GRK3: variants seen among roughly 807,000 people sequenced by gnomAD.
GRK3 encodes the protein adrenergic, beta, receptor kinase 2.
GRK3 carries 54 observed loss-of-function variants against 95.7 expected under a neutral mutation model. The observed-to-expected ratio is 0.56, with a 90% CI of 0.45 to 0.71. The LOEUF (loss-of-function observed/expected upper bound fraction) is 0.71, where lower values mean the gene tolerates loss of function less well. Among genes scored for constraint, GRK3 ranks in the 30% least tolerant of loss-of-function variants. The pLI is 0.00. For synonymous variants in GRK3, 281 were observed against 290.8 expected (o/e 0.97, Z 0.34); for missense variants, 649 against 851.2 (o/e 0.76, Z 2.96).
intron 1 of GRK3, among the ~76,000 whole-genome samples, chr22:25,594,660 C>T (rs1427036169): frequency 2.0e-5 from 3 of 152,034 alleles, no homozygotes; most frequent in Admixed American, 6.5e-5. Flanking sequence ...AGGTGGATCA[C>T]GAGGTCAGGA....
chr22:25,610,462 G>A (rs931385922), intron 2 of GRK3, among the ~76,000 whole-genome samples: 1 of 152,146 alleles, frequency 6.6e-6, no homozygotes, highest in African/African-American at 2.4e-5. Flanking sequence ...ACGAGACTCT[G>A]TCTCAAAAAA....
At chr22:25,706,680 A>G (rs2085302521) in intron 15 of GRK3, among the ~76,000 whole-genome samples, 1 of 152,036 alleles carries the variant, frequency 6.6e-6, no homozygotes, top group Non-Finnish European at 1.5e-5. Flanking sequence ...ACAGGTGTGC[A>G]CCACCACGCC....
At position 25,724,150 on chromosome 22, in the gene GRK3, A is replaced by T. The variant is rs1218540692; in HGVS notation, c.*1700A>T. The T allele has an allele frequency of 2.0e-5, 3 of 150,306 alleles. No homozygotes were observed. The highest frequency in any genetic ancestry group is 1.3e-4 in the Admixed American group (2 of 15,028). The allele number at this position is 150,306 out of a possible 1,614,324, so 9.3% of individuals were successfully genotyped here. A position where few individuals can be genotyped will look rare whatever the true frequency, so the allele number is the denominator to read the frequency against. ...CACACACACACACACACACACACAC[A>T]CTCCAGAAGCAGAAAAGCCATTGTT... On this transcript the variant is annotated 3_prime_UTR_variant, in exon 21 of 21. Transcript: ENST00000324198.
intron 2 of GRK3, among the ~76,000 whole-genome samples, chr22:25,625,073 C>T (rs1024642059): frequency 2.0e-5 from 3 of 151,966 alleles, no homozygotes; most frequent in South Asian, 2.1e-4. Context: ...CCTGCCACCA[C>T]GCCTGTCTAA....
chr22:25,663,760 G>A (rs548868638), intron 5 of GRK3, 56 bp downstream of exon 5: 2 of 1,283,618 alleles, frequency 1.6e-6, no homozygotes, highest in East Asian at 4.7e-5. Context: ...ACTTGGCCTT[G>A]GTGACATTCT....
chr22:25,717,059 G>A (rs1285194283), intron 18 of GRK3, among the ~76,000 whole-genome samples: 1 of 152,180 alleles, frequency 6.6e-6, no homozygotes, highest in Non-Finnish European at 1.5e-5. Flanking sequence ...GGTCCCCGGT[G>A]CCAAGAAGGT....
At chr22:25,594,171 G>A (rs1174887661) in intron 1 of GRK3, among the ~76,000 whole-genome samples, 1 of 152,138 alleles carries the variant, frequency 6.6e-6, no homozygotes, top group Non-Finnish European at 1.5e-5. Flanking sequence ...CAATAGCATT[G>A]AATCTGTAGA....
chr22:25,708,978 A>G (rs866023648), intron 15 of GRK3, among the ~76,000 whole-genome samples: 2 of 151,712 alleles, frequency 1.3e-5, no homozygotes, highest in Non-Finnish European at 2.9e-5. Flanking sequence ...TGCTCTGGGT[A>G]CTCCAAGTTT....
chr22:25,721,597 G>A (rs1056280875), intron 20 of GRK3, among the ~76,000 whole-genome samples, 200 bp downstream of exon 20: 1 of 152,132 alleles, frequency 6.6e-6, no homozygotes, highest in African/African-American at 2.4e-5. Flanking sequence ...GGAGGATGCA[G>A]GTGAAATAAT....
At chr22:25,667,641 A>G (rs113593966) in intron 5 of GRK3, 98 bp from the exon 6 acceptor site, 2 of 786,142 alleles carry the variant, frequency 2.5e-6, no homozygotes, top group South Asian at 1.6e-5. Flanking sequence ...TGGGGAGTGC[A>G]TAATTGGGAA....
chr22:25,688,019 A>G (rs577503325), intron 11 of GRK3, among the ~76,000 whole-genome samples: 327 of 152,208 alleles, frequency 2.1e-3, no homozygotes, highest in Middle Eastern at 0.021. Context: ...GGCGGATCAC[A>G]AGGTCAGGAG....
chr22:25,726,166 G>A lies in GRK3; in HGVS notation c.*3716G>A, dbSNP rs1601555141. The A allele has an allele frequency of 1.3e-5, 2 of 152,116 alleles. No homozygotes were observed. The highest frequency in any genetic ancestry group is 6.5e-5 in the Admixed American group (1 of 15,274). The allele number at this position is 152,116 out of a possible 1,614,324, so 9.4% of individuals were successfully genotyped here. A position where few individuals can be genotyped will look rare whatever the true frequency, so the allele number is the denominator to read the frequency against. On this transcript the variant is annotated 3_prime_UTR_variant, in exon 21 of 21. Transcript: ENST00000324198. ...AGTAATGTTTACCAATTGACGACAG[G>A]GATTTAACTAGATTAAAAAGATCAA...
intron 9 of GRK3, among the ~76,000 whole-genome samples, chr22:25,680,365 A>T (rs1266985827): frequency 6.6e-6 from 1 of 152,222 alleles, no homozygotes; most frequent in Admixed American, 6.5e-5. Context: ...TTTAATTTCT[A>T]TTGGAAATGT....
In GRK3 at chr22:25,704,356, C is replaced by T. The variant is rs576335508; in HGVS notation, c.1328+147C>T. 201 of 614,598 alleles carry T rather than the reference C, an allele frequency of 3.3e-4. 1 individual carries two copies. In the South Asian group the frequency reaches 4.0e-3, roughly 12 times the overall value. The allele number at this position is 614,598 out of a possible 1,614,324, so 38.1% of individuals were successfully genotyped here. On this transcript the variant is annotated intron_variant, in intron 15 of 20. Coordinates refer to ENST00000324198, the MANE Select transcript of GRK3 (RefSeq NM_005160.4). Reference sequence around the variant, plus strand: ...AAAAATAAATCACATGGGAAATATACAAATATTGTCCTATGTGTTTTATAA... The same window carrying T: ...AAAAATAAATCACATGGGAAATATATAAATATTGTCCTATGTGTTTTATAA...
At chr22:25,607,616 A>T (rs1479851956) in intron 2 of GRK3, among the ~76,000 whole-genome samples, 4 of 152,068 alleles carry the variant, frequency 2.6e-5, no homozygotes, top group Admixed American at 2.6e-4. Flanking sequence ...TTGCTCTGTC[A>T]CTCAGGCTGG....
intron 6 of GRK3, among the ~76,000 whole-genome samples, chr22:25,669,149 T>TA (rs1358481095): frequency 6.6e-6 from 1 of 152,116 alleles, no homozygotes; most frequent in Non-Finnish European, 1.5e-5. Context: ...ACTCCATCAA[T>TA]ATGGTCATGT....
intron 9 of GRK3, among the ~76,000 whole-genome samples, chr22:25,682,634 C>T (rs777023395): frequency 8.5e-5 from 13 of 152,174 alleles, no homozygotes; most frequent in Non-Finnish European, 1.2e-4. Context: ...ATTTTAAAAA[C>T]TGAATCAGTT....
At position 25,644,625 on chromosome 22, in the gene GRK3, A is replaced by G; in HGVS notation, c.224A>G (p.Glu75Gly). Residue 75 changes from glutamate to glycine, a missense_variant, in exon 3 of 21, where the codon GAA becomes GGA. Physicochemically the swap from Glu to Gly is moderately conservative, Grantham distance 98. Coordinates refer to ENST00000324198, the MANE Select transcript of GRK3 (RefSeq NM_005160.4). ...FLLFKDFCLN[E>G]INEAVPQVKF... is the part of the protein sequence containing the mutation. ...CTATTTAAAGATTTTTGTTTGAATG[A>G]AATTAATGAAGCTGTACCTCAGGTG... is the stretch of plus-strand genomic sequence containing the variant. The G allele has an allele frequency of 6.3e-7, 1 of 1,578,508 alleles. No homozygotes were observed. Among genetic ancestry groups the G allele is most frequent in the Non-Finnish European group, 8.7e-7 (1 of 1,152,992 alleles).
intron 1 of GRK3, among the ~76,000 whole-genome samples, chr22:25,602,174 TA>T (rs1241955596): frequency 6.6e-6 from 1 of 152,156 alleles, no homozygotes; most frequent in African/African-American, 2.4e-5. Context: ...TACACACCTC[TA>T]AAAAGAAGAG....
Sources: allele counts gnomAD v4.1 joint callset (sites outside exome capture counted in the v4.1 genomes callset), GRCh38; gene constraint gnomAD v4.1.1; transcripts MANE v1.5; gene names NCBI Gene and HGNC (gene_info 2026-07-23, HGNC 2026-07-21).